The following GSTA1 variants were observed in gnomAD, a reference collection of about 807,000 sequenced individuals.
The protein encoded by GSTA1 is glutathione S-transferase alpha 1, also known as glutathione S-transferase A1.
In GSTA1, 23 loss-of-function variants were observed where a neutral mutation model predicts 21.5. That is an observed-to-expected ratio of 1.07 (90% confidence interval 0.77 to 1.52). GSTA1 has a LOEUF of 1.52. Among genes scored for constraint, GSTA1 ranks in the 40% most tolerant of loss-of-function variants. The pLI is 0.00. For synonymous variants in GSTA1, 125 were observed against 90.0 expected (o/e 1.39, Z -2.20); for missense variants, 301 against 264.2 (o/e 1.14, Z -0.96).
chr6:52,797,688 C>A (rs375264105), intron 2 of GSTA1, 51 bp from the exon 3 acceptor site: 9 of 1,508,232 alleles, frequency 6.0e-6, no homozygotes, highest in Non-Finnish European at 8.3e-6. Flanking sequence ...CTATTATAGA[C>A]TGTGGCCTTG....
chr6:52,796,060 G>C, intron 4 of GSTA1, 122 bp downstream of exon 4: 1 of 1,437,892 alleles, frequency 7.0e-7, no homozygotes, highest in South Asian at 1.2e-5. Context: ...GGACCTCAGC[G>C]TACATGCCCA....
intron 4 of GSTA1, 66 bp downstream of exon 4, chr6:52,796,116 C>T (rs1261385207): frequency 6.2e-7 from 1 of 1,607,436 alleles, no homozygotes; most frequent in Non-Finnish European, 8.5e-7. Context: ...TCGTCCCACC[C>T]ACTCAAGGAA....
chr6:52,800,274 T>C (rs180699589), intron 1 of GSTA1, among the ~76,000 whole-genome samples: 6 of 152,332 alleles, frequency 3.9e-5, no homozygotes, highest in Admixed American at 2.6e-4. Context: ...AGTAACTTTC[T>C]CAGAGTAAAT....
At chr6:52,798,051 C>T (rs1008107912) in intron 2 of GSTA1, among the ~76,000 whole-genome samples, 3 of 152,206 alleles carry the variant, frequency 2.0e-5, no homozygotes, top group Admixed American at 6.5e-5. Context: ...GGCTATCAAA[C>T]ATTTTGCCAC....
intron 4 of GSTA1, among the ~76,000 whole-genome samples, chr6:52,795,745 G>A (rs1260819244): frequency 3.3e-5 from 5 of 152,034 alleles, no homozygotes; most frequent in Admixed American, 2.6e-4. Flanking sequence ...TTAGGTTCCC[G>A]GTCATCATTC....
At position 52,797,502 on chromosome 6, in the gene GSTA1, C is replaced by A. The variant is rs756365180; in HGVS notation, c.139+84G>T. The A allele has an allele frequency of 3.5e-4, 334 of 945,750 alleles. 1 individual carries two copies. Among genetic ancestry groups the A allele is most frequent in the Non-Finnish European group, 4.7e-4 (272 of 578,120 alleles). The allele number at this position is 945,750 out of a possible 1,614,324, so 58.6% of individuals were successfully genotyped here. The stretch of plus-strand genomic sequence containing the variant: ...CATGTACAAATACCATGCCCCACAC[C>A]CATAGACATTGCCGGCTGCGCAAAC... On this transcript the variant is annotated intron_variant, in intron 3 of 6. Coordinates refer to ENST00000334575, the MANE Select transcript of GSTA1 (RefSeq NM_145740.5).
intron 5 of GSTA1, among the ~76,000 whole-genome samples, chr6:52,793,271 G>T (rs1427430104): frequency 6.6e-6 from 1 of 152,056 alleles, no homozygotes; most frequent in African/African-American, 2.4e-5. Context: ...TGGGCCAGGG[G>T]CTTAGCACCT....
intron 2 of GSTA1, 42 bp downstream of exon 2, chr6:52,799,139 C>T: frequency 6.3e-7 from 1 of 1,575,986 alleles, no homozygotes; most frequent in African/African-American, 1.3e-5. Flanking sequence ...TGTGATAACA[C>T]AATTTTAAAT....
chr6:52,792,855 C>G lies in GSTA1; in HGVS notation c.546+1G>C. 1 of 1,613,894 alleles carries G rather than the reference C, an allele frequency of 6.2e-7. No individual in the cohort carries two copies. Among genetic ancestry groups the G allele is most frequent in the Non-Finnish European group, 8.5e-7 (1 of 1,179,890 alleles). On this transcript the variant is annotated splice_donor_variant, in intron 6 of 6. Transcript: ENST00000334575. LOFTEE classifies it high-confidence loss of function. ...CCTCTCTGGGCTGTGAAATGGGTCACCTTCAGCAGAGGGAAGCTGGAGATA... is the reference window on the plus strand; with the variant it reads ...CCTCTCTGGGCTGTGAAATGGGTCAGCTTCAGCAGAGGGAAGCTGGAGATA...
chr6:52,797,505 T>C (rs186208407), intron 3 of GSTA1, 81 bp downstream of exon 3: 8 of 994,308 alleles, frequency 8.0e-6, no homozygotes, highest in Admixed American at 1.7e-5. Flanking sequence ...CCCACACCCA[T>C]AGACATTGCC....
chr6:52,798,620 A>G (rs554982864), intron 2 of GSTA1, among the ~76,000 whole-genome samples: 87 of 123,722 alleles, frequency 7.0e-4, no homozygotes, highest in Non-Finnish European at 1.3e-3. Context: ...ATAAATATAA[A>G]CAGAAAAGCA....
chr6:52,797,077 T>C (rs1763609247), intron 3 of GSTA1, among the ~76,000 whole-genome samples: 2 of 152,132 alleles, frequency 1.3e-5, no homozygotes, highest in African/African-American at 4.8e-5. Flanking sequence ...GTAAGTCTCA[T>C]GGTGTTGTGA....
intron 5 of GSTA1, 25 bp from the exon 6 acceptor site, chr6:52,793,012 AG>A (rs1763496904): frequency 1.2e-6 from 2 of 1,613,768 alleles, no homozygotes; most frequent in Non-Finnish European, 1.7e-6. Context: ...GAATCAGATC[AG>A]GAACACATGC....
intron 2 of GSTA1, among the ~76,000 whole-genome samples, chr6:52,798,758 T>G (rs538265483): frequency 6.7e-6 from 1 of 149,034 alleles, no homozygotes; most frequent in East Asian, 2.0e-4. Flanking sequence ...TCCATATGAT[T>G]AATCCTTAAA....
chr6:52,803,433 T>C (rs538068402), intron 1 of GSTA1, among the ~76,000 whole-genome samples: 17 of 152,342 alleles, frequency 1.1e-4, no homozygotes, highest in African/African-American at 4.1e-4. Flanking sequence ...TGTTGACTAC[T>C]TACACAGAGA....
At chr6:52,792,635 G>C in intron 6 of GSTA1, 1 of 1,188,460 alleles carries the variant, frequency 8.4e-7, no homozygotes, top group South Asian at 1.6e-5. Flanking sequence ...ATAATAAAGG[G>C]CAAAATACTC....
In GSTA1 at chr6:52,792,954, C is replaced by T. The variant is rs1331057569; in HGVS notation, c.448G>A (p.Gly150Ser). 1.9e-5 allele frequency: 31 copies of T among 1,613,938 alleles called. No individual in the cohort carries two copies. The East Asian group carries it at 6.9e-4, about 36-fold the overall frequency. ...ATGTCAGCCCGGCTCAGCTTGTTGC[C>T]AACAAGGTAGTCTTGTCCATGGCTC... ...LKSHGQDYLV[G>S]NKLSRADIHL... Residue 150 changes from glycine (G) to serine (S), a missense_variant, in exon 6 of 7, where the codon GGC becomes AGC. Gly to Ser is a moderately conservative substitution (Grantham distance 56). Coordinates refer to ENST00000334575, the MANE Select transcript of GSTA1 (RefSeq NM_145740.5).
intron 5 of GSTA1, among the ~76,000 whole-genome samples, chr6:52,793,777 T>A (rs1401374207): frequency 6.6e-6 from 1 of 152,212 alleles, no homozygotes; most frequent in Non-Finnish European, 1.5e-5. Context: ...ATCGCTTTCA[T>A]CATGCCCCTG....
rs1052041 is a variant in GSTA1, at chr6:52,791,793, T to C, written c.*65A>G. Reference sequence around the variant, plus strand: ...AGGCACAATCAACACTTAGGTAAAGTACTTTATTGTTGCAAAACTTTAGAA... The same window carrying C: ...AGGCACAATCAACACTTAGGTAAAGCACTTTATTGTTGCAAAACTTTAGAA... On this transcript the variant is annotated 3_prime_UTR_variant, in exon 7 of 7. Transcript: ENST00000334575. 2.1e-3 allele frequency: 3,413 copies of C among 1,590,776 alleles called. 60 individuals are homozygous for C. The African/African-American group carries it at 0.04, about 19-fold the overall frequency.
Sources: gnomAD v4.1 joint callset for allele counts (sites outside exome capture counted in the v4.1 genomes callset) on GRCh38, gnomAD v4.1.1 for gene constraint, MANE v1.5 for transcripts, NCBI Gene and HGNC (gene_info 2026-07-23, HGNC 2026-07-21) for gene names.